Variants in MACROD2 observed in about 807,000 individuals in gnomAD.
MACROD2 encodes mono-ADP ribosylhydrolase 2, also known as ADP-ribose glycohydrolase MACROD2.
MACROD2 carries 36 observed loss-of-function variants against 70.4 expected under a neutral mutation model. That is an observed-to-expected ratio of 0.51 (90% CI 0.39 to 0.68). The LOEUF (loss-of-function observed/expected upper bound fraction) is 0.68, where lower values mean the gene tolerates loss of function less well. Ranked by LOEUF, MACROD2 falls within the 30% of genes least tolerant of loss-of-function variation. The pLI, the probability that MACROD2 is intolerant of heterozygous loss-of-function variation, is 0.00. For missense variants in MACROD2, 496 were observed against 538.4 expected (o/e 0.92, Z 0.78); for synonymous variants, 172 against 178.8 (o/e 0.96, Z 0.30).
intron 3 of MACROD2, among the ~76,000 whole-genome samples, chr20:14,464,276 T>C (rs1333135728): frequency 1.3e-5 from 2 of 152,118 alleles, no homozygotes; most frequent in African/African-American, 4.8e-5. Flanking sequence ...GGTGTATGTG[T>C]CGAGGAATTT....
intron 5 of MACROD2, among the ~76,000 whole-genome samples, chr20:15,123,924 A>G (rs1235520342): frequency 2.0e-5 from 3 of 152,168 alleles, no homozygotes; most frequent in African/African-American, 7.2e-5. Flanking sequence ...CTAAATATCC[A>G]TCTGAGATGC....
At chr20:14,401,817 T>C (rs2083641020) in intron 3 of MACROD2, among the ~76,000 whole-genome samples, 1 of 152,118 alleles carries the variant, frequency 6.6e-6, no homozygotes, top group Admixed American at 6.6e-5. Flanking sequence ...TAGATTATAA[T>C]TGTTTTATTT....
intron 10 of MACROD2, among the ~76,000 whole-genome samples, chr20:15,903,317 C>CA (rs961052934): frequency 4.6e-5 from 7 of 151,874 alleles, no homozygotes; most frequent in African/African-American, 1.7e-4. Flanking sequence ...GAGACTGTCT[C>CA]AAAAAAAGAA....
At chr20:15,283,700 A>T (rs2077466800) in intron 6 of MACROD2, among the ~76,000 whole-genome samples, 1 of 152,074 alleles carries the variant, frequency 6.6e-6, no homozygotes, top group South Asian at 2.1e-4. Context: ...AACAAACAAA[A>T]ACAAAAAAGA....
At chr20:15,081,642 T>G (rs752386026) in intron 5 of MACROD2, among the ~76,000 whole-genome samples, 2 of 152,106 alleles carry the variant, frequency 1.3e-5, no homozygotes, top group Non-Finnish European at 2.9e-5. Context: ...GAGAGGCAGT[T>G]TCCCAAGGGA....
At chr20:14,825,208 C>T (rs1201855871) in intron 5 of MACROD2, among the ~76,000 whole-genome samples, 1 of 151,988 alleles carries the variant, frequency 6.6e-6, no homozygotes, top group East Asian at 1.9e-4. Context: ...GATTCCTGAA[C>T]ATTCTAATTA....
chr20:15,172,929 A>G (rs2076433579), intron 5 of MACROD2, among the ~76,000 whole-genome samples: 1 of 152,236 alleles, frequency 6.6e-6, no homozygotes, highest in Non-Finnish European at 1.5e-5. Flanking sequence ...GCTTTCATGC[A>G]TGTTATGAAT....
At chr20:14,692,905 T>G (rs912378040) in intron 5 of MACROD2, among the ~76,000 whole-genome samples, 4 of 152,228 alleles carry the variant, frequency 2.6e-5, no homozygotes, top group Non-Finnish European at 5.9e-5. Context: ...AACTTAATGA[T>G]TCTAATACTA....
intron 8 of MACROD2, among the ~76,000 whole-genome samples, chr20:15,573,202 C>A (rs539199309): frequency 6.6e-6 from 1 of 152,088 alleles, no homozygotes; most frequent in Non-Finnish European, 1.5e-5. Flanking sequence ...TTTCCCATGT[C>A]GTTTTAAACC....
chr20:15,057,634 G>A (rs2075497052), intron 5 of MACROD2, among the ~76,000 whole-genome samples: 1 of 152,110 alleles, frequency 6.6e-6, no homozygotes, highest in Non-Finnish European at 1.5e-5. Flanking sequence ...TTATGCATTG[G>A]GACATAGGTG....
At position 14,715,862 on chromosome 20, in the gene MACROD2, G is replaced by A. The variant is rs79919189; in HGVS notation, c.418+30903G>A. ...CAATACAGCTCCAACTGCATTACTC[G>A]GGACCTTTTTGCTGCTGAAACAGAA... On this transcript the variant is annotated intron_variant, in intron 5 of 17. Transcript: ENST00000684519. Among the ~76,000 whole-genome samples, 276 of 152,180 alleles carry A rather than the reference G, an allele frequency of 1.8e-3. 5 individuals carry two copies. The highest frequency in any genetic ancestry group is 6.8e-3 in the Middle Eastern group (2 of 294).
At chr20:14,154,484 C>T (rs2148713142) in intron 3 of MACROD2, among the ~76,000 whole-genome samples, 1 of 149,866 alleles carries the variant, frequency 6.7e-6, no homozygotes, top group Admixed American at 6.7e-5. Context: ...CCTCCCGGTT[C>T]ATGCCATTCT....
At chr20:14,288,910 G>T (rs952589377) in intron 3 of MACROD2, among the ~76,000 whole-genome samples, 8 of 152,106 alleles carry the variant, frequency 5.3e-5, no homozygotes, top group African/African-American at 1.9e-4. Context: ...CGCCAATTCT[G>T]TCCTAAGGAG....
At chr20:15,283,807 C>T (rs1160479405) in intron 6 of MACROD2, among the ~76,000 whole-genome samples, 1 of 152,188 alleles carries the variant, frequency 6.6e-6, no homozygotes, top group African/African-American at 2.4e-5. Flanking sequence ...TCTCTTCCAA[C>T]ATTTTATCAT....
At chr20:15,264,441 A>G (rs544900342) in intron 6 of MACROD2, among the ~76,000 whole-genome samples, 64 of 152,318 alleles carry the variant, frequency 4.2e-4, no homozygotes, top group African/African-American at 1.4e-3. Context: ...GAGAAAAAGC[A>G]TACACATTTA....
intron 3 of MACROD2, among the ~76,000 whole-genome samples, chr20:14,096,210 G>A (rs183473300): frequency 3.9e-4 from 59 of 152,158 alleles, no homozygotes; most frequent in Non-Finnish European, 6.5e-4. Context: ...GAAGCAAATA[G>A]ATACAGTTCA....
intron 4 of MACROD2, among the ~76,000 whole-genome samples, chr20:14,584,593 A>G (rs1427931477): frequency 1.3e-5 from 2 of 152,082 alleles, no homozygotes; most frequent in Non-Finnish European, 2.9e-5. Flanking sequence ...TATTATGACT[A>G]AATTACCTCC....
chr20:14,199,444 T>A lies in MACROD2; in HGVS notation c.271+113716T>A, dbSNP rs189101088. Among the ~76,000 whole-genome samples, 153 of 152,332 alleles carry A rather than the reference T, an allele frequency of 1.0e-3. 1 individual carries two copies. The highest frequency in any genetic ancestry group is 3.5e-3 in the African/African-American group (146 of 41,568). On this transcript the variant is annotated intron_variant, in intron 3 of 17. Transcript: ENST00000684519. ...GTAGCTCCAGAGAACTAATAATTAG[T>A]TCTAGTCAATTAAACCAACTTTTAG...
intron 6 of MACROD2, among the ~76,000 whole-genome samples, chr20:15,404,315 G>A (rs2045968680): frequency 6.6e-6 from 1 of 152,200 alleles, no homozygotes; most frequent in South Asian, 2.1e-4. Flanking sequence ...AGTATTCTAT[G>A]TTATATTTTA....
Sources: gnomAD v4.1 joint callset for allele counts (sites outside exome capture counted in the v4.1 genomes callset) on GRCh38, gnomAD v4.1.1 for gene constraint, MANE v1.5 for transcripts, NCBI Gene and HGNC (gene_info 2026-07-23, HGNC 2026-07-21) for gene names.